UQCC1: variants seen among roughly 807,000 people sequenced by gnomAD.
UQCC1 encodes the protein ubiquinol-cytochrome c reductase complex assembly factor 1, also known as bFGF-repressed Zic-binding protein.
In UQCC1, 38 loss-of-function variants were observed where a neutral mutation model predicts 48.0. That is an observed-to-expected ratio of 0.79 (90% CI 0.61 to 1.04). The LOEUF (loss-of-function observed/expected upper bound fraction) is 1.04, where lower values mean the gene tolerates loss of function less well. UQCC1 is among the 50% of genes least tolerant of loss of function. The pLI is 0.00. For synonymous variants in UQCC1, 111 were observed against 129.2 expected, an observed-to-expected ratio of 0.86 and a Z score of 0.95; for missense variants, 368 against 381.8, an observed-to-expected ratio of 0.96 and a Z score of 0.30.
intron 3 of UQCC1, among the ~76,000 whole-genome samples, chr20:35,382,489 ATTTTCTTTTTT>A (rs2061884019): frequency 1.7e-5 from 2 of 119,866 alleles, no homozygotes; most frequent in Non-Finnish European, 1.9e-5. Context: ...ACAATTTTTA[ATTTTCTTTTTT>A]TTTTCTTTTT....
At chr20:35,383,354 T>A (rs1294183346) in intron 3 of UQCC1, among the ~76,000 whole-genome samples, 1 of 152,194 alleles carries the variant, frequency 6.6e-6, no homozygotes. Flanking sequence ...CTCTTAAGTG[T>A]TTTCCAGACA....
At chr20:35,347,652 T>C (rs1012039726) in intron 6 of UQCC1, among the ~76,000 whole-genome samples, 9 of 152,126 alleles carry the variant, frequency 5.9e-5, no homozygotes, top group Non-Finnish European at 1.2e-4. Context: ...AGACGGAAAG[T>C]AATTTGCCCA....
In UQCC1 at chr20:35,303,865, G is replaced by T; in HGVS notation, c.*70C>A. On this transcript the variant is annotated 3_prime_UTR_variant, in exon 10 of 10. Transcript: ENST00000374385. The stretch of plus-strand genomic sequence containing the variant: ...TCAGGCCACTTTCTGCAGGGTCCTG[G>T]ACCAACAGGCACTTCTCTCCTGGAG... The T allele has an allele frequency of 1.9e-5, 31 of 1,609,964 alleles. No homozygotes were observed. Among genetic ancestry groups the T allele is most frequent in the Non-Finnish European group, 2.6e-5 (31 of 1,176,992 alleles).
At chr20:35,350,956 T>C (rs564753576) in intron 6 of UQCC1, among the ~76,000 whole-genome samples, 1 of 151,128 alleles carries the variant, frequency 6.6e-6, no homozygotes, top group African/African-American at 2.4e-5. Context: ...ACAGGACAAT[T>C]GCTTGAACCC....
At chr20:35,329,355 GT>G (rs1468700180) in intron 7 of UQCC1, among the ~76,000 whole-genome samples, 1 of 152,194 alleles carries the variant, frequency 6.6e-6, no homozygotes, top group Admixed American at 6.5e-5. Context: ...CCTGATAGTG[GT>G]TGTTTTAAAG....
At chr20:35,339,026 A>G (rs1568666337) in intron 7 of UQCC1, among the ~76,000 whole-genome samples, 1 of 150,746 alleles carries the variant, frequency 6.6e-6, no homozygotes, top group Non-Finnish European at 1.5e-5. Context: ...TATAAAGCAG[A>G]TTAAGTGTAT....
intron 6 of UQCC1, among the ~76,000 whole-genome samples, chr20:35,360,654 C>G (rs553836238): frequency 2.8e-4 from 43 of 152,172 alleles, no homozygotes; most frequent in Non-Finnish European, 6.0e-4. Context: ...CCCAGAAGGC[C>G]AAGGCAACTG....
In UQCC1 at chr20:35,366,599, T is replaced by A; in HGVS notation, c.422A>T (p.Asp141Val). ...EEFFLRCQMP[D>V]TFNSWFLITL... ...TATAAGAAACCATGAATTGAATGTA[T>A]CAGGCATCTGACACCCTAGAAAATA... The change falls in exon 6 of 10, where the codon GAT (aspartate) becomes GTT (valine). Residue 141 changes from aspartate to valine, a missense_variant. Coordinates refer to ENST00000374385, the MANE Select transcript of UQCC1 (RefSeq NM_018244.5). 1 of 1,613,908 alleles carries A rather than the reference T, an allele frequency of 6.2e-7. No homozygotes were observed. Among genetic ancestry groups the A allele is most frequent in the South Asian group, 1.1e-5 (1 of 91,066 alleles).
intron 1 of UQCC1, among the ~76,000 whole-genome samples, chr20:35,397,557 AC>A (rs1251659021): frequency 2.0e-5 from 3 of 152,128 alleles, no homozygotes; most frequent in South Asian, 2.1e-4. Context: ...CAGGAAAAAA[AC>A]ATGCCATACT....
chr20:35,321,291 C>CGCGT (rs2061125709), intron 7 of UQCC1, among the ~76,000 whole-genome samples: 3 of 146,158 alleles, frequency 2.1e-5, no homozygotes, highest in African/African-American at 8.2e-5. Context: ...TGTGCGCGCG[C>CGCGT]GCGCGCGCAC....
At chr20:35,321,840 AGCCCT>A (rs2061134212) in intron 7 of UQCC1, among the ~76,000 whole-genome samples, 1 of 152,256 alleles carries the variant, frequency 6.6e-6, no homozygotes, top group African/African-American at 2.4e-5. Context: ...CAGAACCAGC[AGCCCT>A]AATTTCTATA....
chr20:35,391,030 T>C (rs1484547609), intron 2 of UQCC1, among the ~76,000 whole-genome samples: 1 of 151,922 alleles, frequency 6.6e-6, no homozygotes, highest in Non-Finnish European at 1.5e-5. Context: ...ACCCCTTCTC[T>C]ACTAAAAATA....
In UQCC1 at chr20:35,375,998, A is replaced by G. The variant is rs888460165; in HGVS notation, c.334-1742T>C. 2.0e-5 allele frequency among the ~76,000 whole-genome samples: 3 copies of G among 151,386 alleles called. No individual in the cohort carries two copies. In the East Asian group the frequency reaches 5.8e-4, roughly 29 times the overall value. On this transcript the variant is annotated intron_variant, in intron 4 of 9. Coordinates refer to ENST00000374385, the MANE Select transcript of UQCC1 (RefSeq NM_018244.5). ...AAATTGAAGCCAAAGCCGTTTCTTT[A>G]AAAATATCAATAAAATTAGGTTGGG...
At chr20:35,348,340 C>G (rs538759463) in intron 6 of UQCC1, among the ~76,000 whole-genome samples, 1 of 151,988 alleles carries the variant, frequency 6.6e-6, no homozygotes, top group Non-Finnish European at 1.5e-5. Flanking sequence ...CAAACTAGTT[C>G]CTCATTTCAT....
intron 7 of UQCC1, among the ~76,000 whole-genome samples, chr20:35,327,079 G>C (rs191914655): frequency 6.6e-6 from 1 of 152,182 alleles, no homozygotes; most frequent in African/African-American, 2.4e-5. Context: ...TTTCTCAGAG[G>C]ACCCAAAATT....
intron 1 of UQCC1, among the ~76,000 whole-genome samples, chr20:35,394,964 A>C (rs1214428960): frequency 2.0e-5 from 3 of 152,136 alleles, no homozygotes; most frequent in Non-Finnish European, 4.4e-5. Context: ...CAACTCGGGG[A>C]GGCACTTCAC....
chr20:35,389,184 A>G (rs1402277762), intron 2 of UQCC1, among the ~76,000 whole-genome samples: 3 of 152,216 alleles, frequency 2.0e-5, no homozygotes, highest in Admixed American at 1.3e-4. Flanking sequence ...GGTGCCAGCA[A>G]TTAAGAGAGT....
chr20:35,309,781 C>A (rs6579229), intron 8 of UQCC1, among the ~76,000 whole-genome samples: 7 of 152,164 alleles, frequency 4.6e-5, no homozygotes, highest in African/African-American at 1.7e-4. Context: ...GGCAGAGTTC[C>A]ACTCAGTGAA....
At chr20:35,397,765 C>T (rs6142374) in intron 1 of UQCC1, among the ~76,000 whole-genome samples, 79,408 of 151,808 alleles carry the variant, frequency 0.52, 22,432 homozygotes, top group East Asian at 0.72. Flanking sequence ...TTTTGCTATC[C>T]GAGGGAGGTC....
Sources: gnomAD v4.1 joint callset for allele counts (sites outside exome capture counted in the v4.1 genomes callset) on GRCh38, gnomAD v4.1.1 for gene constraint, MANE v1.5 for transcripts, NCBI Gene and HGNC (gene_info 2026-07-23, HGNC 2026-07-21) for gene names.